The following WDR36 variants were observed in gnomAD, a reference collection of about 807,000 sequenced individuals.
The protein encoded by WDR36 is WD repeat domain 36, also known as WD repeat-containing protein 36.
In WDR36, 63 loss-of-function variants were observed where a neutral mutation model predicts 112.7. The observed-to-expected ratio is 0.56, with a 90% CI of 0.46 to 0.69. The LOEUF is 0.69. WDR36 is among the 30% of genes least tolerant of loss of function. WDR36 has a pLI of 0.00. For missense variants in WDR36, 1,226 were observed against 1,070.3 expected, an observed-to-expected ratio of 1.15 and a Z score of -2.03; for synonymous variants, 410 against 362.2, an observed-to-expected ratio of 1.13 and a Z score of -1.50.
chr5:111,107,382 A>G lies in WDR36; in HGVS notation c.1269A>G (p.Thr423=). The G allele has an allele frequency of 1.2e-6, 2 of 1,610,634 alleles. No homozygotes were observed. Among genetic ancestry groups the G allele is most frequent in the Non-Finnish European group, 1.7e-6 (2 of 1,177,758 alleles). Residue 423 remains threonine (T), a synonymous_variant, in exon 12 of 23, where the codon ACA becomes ACG. Transcript: ENST00000513710. Reference sequence around the variant, plus strand: ...CAACCTGGAATTATCAGAAATCTACAATAGGCGCTTACTTTCTCAAGCCAA... The same window carrying G: ...CAACCTGGAATTATCAGAAATCTACGATAGGCGCTTACTTTCTCAAGCCAA... ...SCSTWNYQKS[T]IGAYFLKPKE...
At chr5:111,121,463 G>T (rs910696805) in intron 19 of WDR36, among the ~76,000 whole-genome samples, 8 of 152,038 alleles carry the variant, frequency 5.3e-5, no homozygotes, top group Non-Finnish European at 7.4e-5. Context: ...AAACGAGCGG[G>T]AACACATATG....
chr5:111,130,044 AT>A lies in WDR36; in HGVS notation c.*3164del, dbSNP rs1395388749. ...ATGCATTACTTTGGTATGTTCTCAG[AT>A]TTGGGTAAAGCCTTCCTCATGTTCT... On this transcript the variant is annotated 3_prime_UTR_variant, in exon 23 of 23. Transcript: ENST00000513710. 1 of 212,310 alleles carries A rather than the reference AT, an allele frequency of 4.7e-6. No individual in the cohort carries two copies. Among genetic ancestry groups the A allele is most frequent in the Admixed American group, 5.9e-5 (1 of 17,032 alleles). The allele number at this position is 212,310 out of a possible 1,614,324, so 13.2% of individuals were successfully genotyped here.
At chr5:111,105,216 G>C in intron 9 of WDR36, 79 bp from the exon 10 acceptor site, 1 of 1,452,814 alleles carries the variant, frequency 6.9e-7, no homozygotes, top group Non-Finnish European at 9.6e-7. Context: ...TTTTCAAATT[G>C]AATTTTATAA....
intron 15 of WDR36, among the ~76,000 whole-genome samples, chr5:111,111,832 C>G (rs1400446887): frequency 6.6e-6 from 1 of 151,686 alleles, no homozygotes; most frequent in Non-Finnish European, 1.5e-5. Context: ...TTAAAAAGAA[C>G]TTTTAAAATA....
chr5:111,115,498 G>A (rs986238828), intron 16 of WDR36, among the ~76,000 whole-genome samples: 6 of 152,108 alleles, frequency 3.9e-5, no homozygotes, highest in African/African-American at 9.7e-5. Flanking sequence ...AATCAGCACA[G>A]GAGAAAGAAA....
In WDR36 at chr5:111,100,734, G is replaced by A. The variant is rs1447476198; in HGVS notation, c.542+13G>A. 6.2e-7 allele frequency: 1 copy of A among 1,605,976 alleles called. No homozygotes were observed. The highest frequency in any genetic ancestry group is 8.5e-7 in the Non-Finnish European group (1 of 1,174,592). On this transcript the variant is annotated intron_variant, in intron 5 of 22. Coordinates refer to ENST00000513710, the MANE Select transcript of WDR36 (RefSeq NM_139281.3). ...ATGTAAAATCCAAGTAAGTATTTTA[G>A]TTAGAAAATAATATAGCTGTCACCT...
At chr5:111,103,722 A>G in intron 6 of WDR36, 64 bp from the exon 7 acceptor site, 10 of 1,586,540 alleles carry the variant, frequency 6.3e-6, no homozygotes, top group Non-Finnish European at 8.6e-6. Context: ...AATGATGCGT[A>G]TCATCAGGAT....
At chr5:111,112,348 C>T (rs1753358900) in intron 15 of WDR36, among the ~76,000 whole-genome samples, 1 of 151,962 alleles carries the variant, frequency 6.6e-6, no homozygotes, top group African/African-American at 2.4e-5. Context: ...TCTGTACCAC[C>T]CTTCTGTAAA....
intron 2 of WDR36, chr5:111,096,861 T>C (rs1752997042): frequency 2.3e-6 from 1 of 429,340 alleles, no homozygotes; most frequent in African/African-American, 2.0e-5. Context: ...CTAGACATTC[T>C]CTTAGGGAAG....
rs764230864 is a variant in WDR36, at chr5:111,110,199, T to C, written c.1337T>C (p.Ile446Thr). ...KDDITATAVD[I>T]TSCGNFAVIG... ...TTTTTTTTCTTAAAGGCAGTGGATA[T>C]AACTTCTTGTGGAAACTTTGCTGTA... Residue 446 changes from isoleucine (I) to threonine (T), a missense_variant, in exon 13 of 23, where the codon ATA (isoleucine) becomes ACA (threonine). By Grantham distance (89) the Ile-to-Thr change is moderately conservative. Transcript: ENST00000513710. The C allele has an allele frequency of 6.2e-6, 10 of 1,610,156 alleles. No individual in the cohort carries two copies. In the Admixed American group the frequency reaches 1.5e-4, roughly 24 times the overall value.
At chr5:111,110,728 T>C in intron 13 of WDR36, 60 bp from the exon 14 acceptor site, 1 of 1,540,822 alleles carries the variant, frequency 6.5e-7, no homozygotes, top group Non-Finnish European at 8.9e-7. Flanking sequence ...CTGTGTGTAT[T>C]GTTCAGAGAG....
At chr5:111,111,368 G>C in intron 15 of WDR36, 90 bp downstream of exon 15, 1 of 1,025,710 alleles carries the variant, frequency 9.7e-7, no homozygotes. Flanking sequence ...CATTATATGA[G>C]GTGGTTATCA....
intron 17 of WDR36, 142 bp downstream of exon 17, chr5:111,119,262 G>A (rs1438900997): frequency 6.9e-6 from 5 of 726,332 alleles, no homozygotes; most frequent in African/African-American, 5.2e-5. Context: ...TTAATTCACT[G>A]TAAGTCTGAG....
At chr5:111,094,716 C>G (rs543240438) in intron 1 of WDR36, among the ~76,000 whole-genome samples, 1 of 152,222 alleles carries the variant, frequency 6.6e-6, no homozygotes, top group South Asian at 2.1e-4. Flanking sequence ...AAAACATTTG[C>G]CTACCCCTTC....
chr5:111,104,496 C>T, intron 8 of WDR36, 144 bp downstream of exon 8: 1 of 1,383,692 alleles, frequency 7.2e-7, no homozygotes, highest in South Asian at 1.2e-5. Context: ...ACAAAAAGCA[C>T]AGCAGGTGAC....
chr5:111,108,925 C>T (rs1308438966), intron 12 of WDR36, among the ~76,000 whole-genome samples: 1 of 151,332 alleles, frequency 6.6e-6, no homozygotes, highest in Non-Finnish European at 1.5e-5. Flanking sequence ...ACAGTCTCAG[C>T]TATCTGGAGC....
intron 16 of WDR36, 88 bp downstream of exon 16, chr5:111,113,241 A>T: frequency 1.3e-6 from 1 of 747,674 alleles, no homozygotes; most frequent in South Asian, 1.4e-5. Context: ...TTAATGGGTT[A>T]TATGCTTTTT....
At chr5:111,096,585 T>G (rs557773077) in intron 2 of WDR36, among the ~76,000 whole-genome samples, 1 of 152,086 alleles carries the variant, frequency 6.6e-6, no homozygotes, top group Non-Finnish European at 1.5e-5. Flanking sequence ...ACTCCTATAA[T>G]CCCAGCTACT....
At chr5:111,106,901 C>G (rs762898902) in intron 11 of WDR36, among the ~76,000 whole-genome samples, 21 of 151,116 alleles carry the variant, frequency 1.4e-4, no homozygotes, top group Non-Finnish European at 2.8e-4. Flanking sequence ...GTTATCCCCC[C>G]CAGGTAATTT....
Sources: gnomAD v4.1 joint callset for allele counts (sites outside exome capture counted in the v4.1 genomes callset) on GRCh38, gnomAD v4.1.1 for gene constraint, MANE v1.5 for transcripts, NCBI Gene and HGNC (gene_info 2026-07-23, HGNC 2026-07-21) for gene names.